The following FOXRED1 variants were observed in gnomAD, a reference collection of about 807,000 sequenced individuals.
FOXRED1 encodes the protein FAD-dependent oxidoreductase domain-containing protein 1.
A neutral mutation model predicts 57.8 loss-of-function variants in FOXRED1; 52 were observed. That is an observed-to-expected ratio of 0.90 (90% confidence interval 0.72 to 1.13). The LOEUF (loss-of-function observed/expected upper bound fraction) is 1.13, where lower values mean the gene tolerates loss of function less well. Among genes scored for constraint, FOXRED1 ranks in the 50% most tolerant of loss-of-function variants. The pLI is 0.00. For missense variants in FOXRED1, 589 were observed against 625.2 expected (o/e 0.94, Z 0.62); for synonymous variants, 271 against 248.3 (o/e 1.09, Z -0.86).
At position 126,277,582 on chromosome 11, in the gene FOXRED1, G is replaced by T. The variant is rs1232347477; in HGVS notation, c.1354G>T (p.Val452Leu). 8 of 1,613,712 alleles carry T rather than the reference G, an allele frequency of 5.0e-6. No homozygotes were observed. The highest frequency in any genetic ancestry group is 1.6e-4 in the Middle Eastern group (1 of 6,084). The change falls in exon 11 of 11, where the codon GTA becomes TTA. Residue 452 changes from valine (V) to leucine (L), a missense_variant. Physicochemically the swap from Val to Leu is conservative, Grantham distance 32 (BLOSUM62 1). Coordinates refer to ENST00000263578, the MANE Select transcript of FOXRED1 (RefSeq NM_017547.4). This position sits in a 1 kb window ranked among gnomAD's most constrained non-coding sequence, Gnocchi z 6.8. Reference protein sequence around the residue: ...LQQAPGIGRAVAEMVLKGRFQ... With the variant: ...LQQAPGIGRALAEMVLKGRFQ... ...GCAGGCCCCTGGCATTGGGCGAGCT[G>T]TAGCAGAGATGGTACTGAAGGGCAG...
At position 126,274,755 on chromosome 11, in the gene FOXRED1, C is replaced by A; in HGVS notation, c.537-172C>A. 1.5e-6 allele frequency: 1 copy of A among 671,400 alleles called. No individual in the cohort carries two copies. The highest frequency in any genetic ancestry group is 2.7e-6 in the Non-Finnish European group (1 of 363,690). 41.6% of individuals were successfully genotyped at this position (671,400 alleles called of 1,614,324 possible). A position where few individuals can be genotyped will look rare whatever the true frequency, so the allele number is the denominator to read the frequency against. ...AGGCAGTCAAGGCTGAAGAGCCTGA[C>A]TAGGAGGCTTGGTCTTCAGCCGCTC... On this transcript the variant is annotated intron_variant, in intron 4 of 10. Coordinates refer to ENST00000263578, the MANE Select transcript of FOXRED1 (RefSeq NM_017547.4). The surrounding 1 kb of genome is among the most constrained non-coding windows in gnomAD (Gnocchi z 4.8).
rs759206750 is a variant in FOXRED1 at position 126,277,082 on chromosome 11, G to C, written c.1113G>C (p.Pro371=). Residue 371 remains proline, a synonymous_variant, in exon 10 of 11, where the codon CCG becomes CCC. Coordinates refer to ENST00000263578, the MANE Select transcript of FOXRED1 (RefSeq NM_017547.4). The surrounding 1 kb of genome is among the most constrained non-coding windows in gnomAD (Gnocchi z 6.8). ...ACCTCTCACTCCAGCAGGAAGAACC[G>C]GACCCGGCGAACCTGGAAGTGGACC... ...GGRSPTEQEE[P]DPANLEVDHD... is the part of the protein sequence containing the mutation. 6.2e-7 allele frequency: 1 copy of C among 1,611,450 alleles called. No individual in the cohort carries two copies. The highest frequency in any genetic ancestry group is 1.3e-5 in the African/African-American group (1 of 74,892).
In FOXRED1 at chr11:126,277,440, G is replaced by A. The variant is rs374680615; in HGVS notation, c.1212G>A (p.Gln404=). The change falls in exon 11 of 11, where the codon CAG becomes CAA. Residue 404 remains glutamine, a synonymous_variant. Coordinates refer to ENST00000263578, the MANE Select transcript of FOXRED1 (RefSeq NM_017547.4). This position sits in a 1 kb window ranked among gnomAD's most constrained non-coding sequence, Gnocchi z 6.8. The stretch of plus-strand genomic sequence containing the variant: ...AGTGTTTTGTGCACCCGCAGGTTCA[G>A]AGCGCCTGGGCCGGCTATTACGACT... ...RVPAFETLKV[Q]SAWAGYYDYN... The A allele has an allele frequency of 1.7e-5, 28 of 1,613,068 alleles. No individual in the cohort carries two copies. Among genetic ancestry groups the A allele is most frequent in the Non-Finnish European group, 1.6e-5 (19 of 1,179,972 alleles).
rs541684918 is a variant in FOXRED1 at position 126,272,955 on chromosome 11, T to G, written c.307-14T>G. The stretch of plus-strand genomic sequence containing the variant: ...GGGTACTGGTCTACCTCAACTTTTC[T>G]TGTCTTTCCACAGTATTCACAGGCC... On this transcript the variant is annotated splice_polypyrimidine_tract_variant and intron_variant, in intron 2 of 10. Transcript: ENST00000263578. This position sits in a 1 kb window ranked among gnomAD's most constrained non-coding sequence, Gnocchi z 4.6. The G allele has an allele frequency of 7.4e-7, 1 of 1,352,380 alleles. No homozygotes were observed. Among genetic ancestry groups the G allele is most frequent in the Non-Finnish European group, 1.1e-6 (1 of 940,782 alleles). 83.8% of individuals were successfully genotyped at this position (1,352,380 alleles called of 1,614,324 possible).
rs561952699 is a variant in FOXRED1 at position 126,272,091 on chromosome 11, A to T, written c.306+434A>T. Among the ~76,000 whole-genome samples the T allele has an allele frequency of 5.7e-4, 86 of 151,172 alleles. No individual in the cohort carries two copies. Among genetic ancestry groups the T allele is most frequent in the African/African-American group, 1.9e-3 (77 of 41,108 alleles). ...ATTATCCCACCTCCGCCCCCTGAGT[A>T]GCTGAGATTACAGGGACACACCCTG... is the stretch of plus-strand genomic sequence containing the variant. On this transcript the variant is annotated intron_variant, in intron 2 of 10. Transcript: ENST00000263578. The surrounding 1 kb of genome is among the most constrained non-coding windows in gnomAD (Gnocchi z 4.6).
chr11:126,277,520 T>C lies in FOXRED1; in HGVS notation c.1292T>C (p.Met431Thr). The change falls in exon 11 of 11, where the codon ATG becomes ACG. Residue 431 changes from methionine (M) to threonine (T), a missense_variant. Coordinates refer to ENST00000263578, the MANE Select transcript of FOXRED1 (RefSeq NM_017547.4). This position sits in a 1 kb window ranked among gnomAD's most constrained non-coding sequence, Gnocchi z 6.8. ...GGCCCCCACCCGCTAGTTGTCAACA[T>C]GTACTTTGCTACTGGCTTCAGTGGT... Reference protein sequence around the residue: ...VVGPHPLVVNMYFATGFSGHG... With the variant: ...VVGPHPLVVNTYFATGFSGHG... 1 of 1,613,744 alleles carries C rather than the reference T, an allele frequency of 6.2e-7. No homozygotes were observed. Among genetic ancestry groups the C allele is most frequent in the Non-Finnish European group, 8.5e-7 (1 of 1,180,002 alleles).
In FOXRED1 at chr11:126,273,458, G is replaced by A; in HGVS notation, c.536+4G>A. On this transcript the variant is annotated splice_donor_region_variant and intron_variant, in intron 4 of 10. Coordinates refer to ENST00000263578, the MANE Select transcript of FOXRED1 (RefSeq NM_017547.4). The surrounding 1 kb of genome is among the most constrained non-coding windows in gnomAD (Gnocchi z 5.9). ...AGAGCAACGTGAAAGTGCAGAGGTG[G>A]GTGCCTGGCACAGCCTCTTAGCTGC... The A allele has an allele frequency of 6.3e-7, 1 of 1,593,400 alleles. No individual in the cohort carries two copies. The highest frequency in any genetic ancestry group is 8.6e-7 in the Non-Finnish European group (1 of 1,161,396).
chr11:126,276,580 A>G, intron 9 of FOXRED1, 57 bp downstream of exon 9: 1 of 1,579,476 alleles, frequency 6.3e-7, no homozygotes, highest in Non-Finnish European at 8.6e-7. Context: ...TTGTCACGAA[A>G]CAATCAGGCT....
chr11:126,276,666 AG>A (rs1951157970), intron 9 of FOXRED1, 143 bp downstream of exon 9: 1 of 842,558 alleles, frequency 1.2e-6, no homozygotes, highest in African/African-American at 1.7e-5. Context: ...ACCTGAGGTT[AG>A]GAGTTTGAGA....
chr11:126,274,900 A>G lies in FOXRED1; in HGVS notation c.537-27A>G. 7.1e-7 allele frequency: 1 copy of G among 1,400,616 alleles called. No homozygotes were observed. Among genetic ancestry groups the G allele is most frequent in the Non-Finnish European group, 1.0e-6 (1 of 985,056 alleles). 86.8% of individuals were successfully genotyped at this position (1,400,616 alleles called of 1,614,324 possible). On this transcript the variant is annotated intron_variant, in intron 4 of 10. Coordinates refer to ENST00000263578, the MANE Select transcript of FOXRED1 (RefSeq NM_017547.4). This position sits in a 1 kb window ranked among gnomAD's most constrained non-coding sequence, Gnocchi z 4.8. ...CTGCACACTCCCCTCTCTGACACAC[A>G]TACACCGACCCACACGTTTATCTCA...
In FOXRED1 at chr11:126,276,498, A is replaced by G. The variant is rs1951151939; in HGVS notation, c.1076A>G (p.Tyr359Cys). Residue 359 changes from tyrosine (Y) to cysteine (C), a missense_variant, in exon 9 of 11, where the codon TAC becomes TGC. Physicochemically the swap from Tyr to Cys is radical, Grantham distance 194. Coordinates refer to ENST00000263578, the MANE Select transcript of FOXRED1 (RefSeq NM_017547.4). Reference protein sequence around the residue: ...YFRREGLGSNYLGGRSPTEQE... With the variant: ...YFRREGLGSNCLGGRSPTEQE... The stretch of plus-strand genomic sequence containing the variant: ...CGCCGGGAAGGATTAGGTAGCAACT[A>G]CCTAGGTGGTCGTAGCCCCACTGAG... The G allele has an allele frequency of 6.2e-7, 1 of 1,608,046 alleles. No individual in the cohort carries two copies. The highest frequency in any genetic ancestry group is 2.2e-5 in the East Asian group (1 of 44,624).
intron 8 of FOXRED1, 70 bp downstream of exon 8, chr11:126,276,289 G>T (rs1302953083): frequency 8.9e-7 from 1 of 1,128,978 alleles, no homozygotes; most frequent in Admixed American, 2.2e-5. Flanking sequence ...TGGATAGCGT[G>T]TGTGTGTGTG....
chr11:126,269,938 G>A (rs1012927978), intron 1 of FOXRED1, among the ~76,000 whole-genome samples: 9 of 135,620 alleles, frequency 6.6e-5, no homozygotes, highest in Non-Finnish European at 1.4e-4. Context: ...AATGAGCCGA[G>A]ATCATGCCAT....
In FOXRED1 at chr11:126,276,399, T is replaced by C; in HGVS notation, c.977T>C (p.Val326Ala). Reference sequence around the variant, plus strand: ...AACCGCACTGGTTGTGGCAGGTATGTGTATGTGTGGCACTGCCCCCAGGGA... The same window carrying C: ...AACCGCACTGGTTGTGGCAGGTATGCGTATGTGTGGCACTGCCCCCAGGGA... ...KLPVEPRKRY[V>A]YVWHCPQGPG... is the part of the protein sequence containing the mutation. The change falls in exon 9 of 11, where the codon GTG (valine) becomes GCG (alanine). Residue 326 changes from valine to alanine, a missense_variant. Physicochemically the swap from Val to Ala is moderately conservative, Grantham distance 64. Coordinates refer to ENST00000263578, the MANE Select transcript of FOXRED1 (RefSeq NM_017547.4). The C allele has an allele frequency of 7.5e-7, 1 of 1,334,216 alleles. No homozygotes were observed. Among genetic ancestry groups the C allele is most frequent in the Admixed American group, 2.2e-5 (1 of 45,342 alleles). 82.6% of individuals were successfully genotyped at this position (1,334,216 alleles called of 1,614,324 possible). A position where few individuals can be genotyped will look rare whatever the true frequency, so the allele number is the denominator to read the frequency against.
Position 126,271,576 on chromosome 11 carries a change from C to G in FOXRED1, c.225C>G (p.Gly75=). The change falls in exon 2 of 11, where the codon GGC becomes GGG. Residue 75 remains glycine (G), a synonymous_variant. Transcript: ENST00000263578. This position sits in a 1 kb window ranked among gnomAD's most constrained non-coding sequence, Gnocchi z 5.3. The part of the protein sequence containing the change: ...DVVIVGGGVL[G]LSVAYWLKKL... ...TGATCGTGGGAGGTGGGGTGCTTGG[C>G]TTGTCTGTGGCCTATTGGCTGAAGA... The G allele has an allele frequency of 6.2e-7, 1 of 1,614,190 alleles. No homozygotes were observed. The highest frequency in any genetic ancestry group is 2.2e-5 in the East Asian group (1 of 44,886).
chr11:126,276,466 C>T lies in FOXRED1; in HGVS notation c.1044C>T (p.Ala348=), dbSNP rs756002757. The T allele has an allele frequency of 1.2e-6, 2 of 1,608,484 alleles. No individual in the cohort carries two copies. Among genetic ancestry groups the T allele is most frequent in the East Asian group, 4.5e-5 (2 of 44,660 alleles). ...CGCTTGTTGCAGACACCAGTGGAGC[C>T]TATTTTCGCCGGGAAGGATTAGGTA... ...ETPLVADTSG[A]YFRREGLGSN... The change falls in exon 9 of 11, where the codon GCC becomes GCT. Residue 348 remains alanine, a synonymous_variant. Transcript: ENST00000263578.
chr11:126,276,361 T>A (rs774500144), intron 8 of FOXRED1, 33 bp from the exon 9 acceptor site: 1 of 1,104,542 alleles, frequency 9.1e-7, no homozygotes, highest in South Asian at 2.1e-5. Flanking sequence ...GCCATGCTGT[T>A]TCTGCAGTTC....
At position 126,272,661 on chromosome 11, in the gene FOXRED1, A is replaced by G. The variant is rs1349547203; in HGVS notation, c.307-308A>G. On this transcript the variant is annotated intron_variant, in intron 2 of 10. Transcript: ENST00000263578. The surrounding 1 kb of genome is among the most constrained non-coding windows in gnomAD (Gnocchi z 4.6). Reference sequence around the variant, plus strand: ...CGAGTCTTGCTACTTTACTTCAATCATAACCTTTCATTTCCCAAATGGTAG... The same window carrying G: ...CGAGTCTTGCTACTTTACTTCAATCGTAACCTTTCATTTCCCAAATGGTAG... The G allele has an allele frequency of 1.5e-5, 7 of 463,524 alleles. No individual in the cohort carries two copies. The East Asian group carries it at 2.6e-4, about 17-fold the overall frequency. The allele number at this position is 463,524 out of a possible 1,614,324, so 28.7% of individuals were successfully genotyped here.
chr11:126,270,260 G>C (rs111643701), intron 1 of FOXRED1, among the ~76,000 whole-genome samples: 2,668 of 152,332 alleles, frequency 0.018, 31 homozygotes, highest in Non-Finnish European at 0.025. Flanking sequence ...GGTAAGCTAA[G>C]GCCAGACCAA....
Sources: allele counts gnomAD v4.1 joint callset (sites outside exome capture counted in the v4.1 genomes callset), GRCh38; gene constraint gnomAD v4.1.1; non-coding constraint Gnocchi (gnomAD v3.1); transcripts MANE v1.5; gene names NCBI Gene and HGNC (gene_info 2026-07-23, HGNC 2026-07-21).